Variants in ZNF414 observed in about 807,000 individuals in gnomAD.
The protein encoded by ZNF414 is zinc finger protein 414.
ZNF414 carries 32 observed loss-of-function variants against 38.3 expected under a neutral mutation model. That is an observed-to-expected ratio of 0.83 (90% CI 0.63 to 1.12). The LOEUF (loss-of-function observed/expected upper bound fraction) is 1.12, where lower values mean the gene tolerates loss of function less well. Ranked by LOEUF, ZNF414 falls within the 50% of genes most tolerant of loss-of-function variation. ZNF414 has a pLI of 0.00. For synonymous variants in ZNF414, 256 were observed against 248.0 expected (o/e 1.03, Z -0.30); for missense variants, 589 against 557.4 (o/e 1.06, Z -0.57).
At chr19:8,512,766 TGACCCCA>T (rs1971936459) in intron 2 of ZNF414, 55 bp from the exon 3 acceptor site, 1 of 1,427,942 alleles carries the variant, frequency 7.0e-7, no homozygotes, top group East Asian at 2.5e-5. Flanking sequence ...GTGCTGTCCC[TGACCCCA>T]GGGTTCTGCC....
Position 8,511,610 on chromosome 19 carries a change from C to A in ZNF414, c.874+7G>T. The A allele has an allele frequency of 6.6e-7, 1 of 1,516,310 alleles. No homozygotes were observed. Among genetic ancestry groups the A allele is most frequent in the South Asian group, 1.3e-5 (1 of 77,468 alleles). 93.9% of individuals were successfully genotyped at this position (1,516,310 alleles called of 1,614,324 possible). ...GCCCTCCTGGAGGCCCCCGACCCCA[C>A]ACTCACCTTGGCTCTTTTTCCAGAC... On this transcript the variant is annotated splice_region_variant and intron_variant, in intron 5 of 7. Coordinates refer to ENST00000393927, the MANE Select transcript of ZNF414 (RefSeq NM_001146175.2).
intron 4 of ZNF414, 130 bp from the exon 5 acceptor site, chr19:8,512,090 C>T (rs754215935): frequency 1.4e-6 from 2 of 1,415,246 alleles, no homozygotes; most frequent in South Asian, 3.2e-5. Flanking sequence ...CGCTCCTGTA[C>T]AACTGTGGCA....
Position 8,512,635 on chromosome 19 carries a change from T to C in ZNF414, c.393A>G (p.Arg131=), listed in dbSNP as rs753726432. 17 of 1,593,408 alleles carry C rather than the reference T, an allele frequency of 1.1e-5. 1 individual carries two copies. In the South Asian group the frequency reaches 1.8e-4, roughly 17 times the overall value. ...GGGACTGTGTGGGCGGGCAGTGGGT[T>C]CGCAGATGCTGTGCCAGGTCACGGA... ...PSVRDLAQHL[R]THCPPTQSLE... Residue 131 remains arginine (R), a synonymous_variant, in exon 3 of 8, where the codon CGA becomes CGG. Coordinates refer to ENST00000393927, the MANE Select transcript of ZNF414 (RefSeq NM_001146175.2).
At position 8,510,665 on chromosome 19, in the gene ZNF414, A is replaced by G; in HGVS notation, c.*26T>C. Reference sequence around the variant, plus strand: ...CAAATGACAAAACTACCCACATCCCATGGCCCACCCCCAAAGCGGCGGGAT... The same window carrying G: ...CAAATGACAAAACTACCCACATCCCGTGGCCCACCCCCAAAGCGGCGGGAT... On this transcript the variant is annotated 3_prime_UTR_variant, in exon 8 of 8. Transcript: ENST00000393927. 6.7e-7 allele frequency: 1 copy of G among 1,494,346 alleles called. No homozygotes were observed. The highest frequency in any genetic ancestry group is 9.0e-7 in the Non-Finnish European group (1 of 1,111,658). The allele number at this position is 1,494,346 out of a possible 1,614,324, so 92.6% of individuals were successfully genotyped here.
chr19:8,511,284 G>GC, intron 6 of ZNF414: 3 of 1,411,450 alleles, frequency 2.1e-6, no homozygotes, highest in Non-Finnish European at 2.8e-6. Flanking sequence ...TGAAAGGGGC[G>GC]CAAGGTTTAT....
intron 1 of ZNF414, among the ~76,000 whole-genome samples, 200 bp from the exon 2 acceptor site, chr19:8,513,541 C>G (rs1029358098): frequency 3.3e-5 from 5 of 152,176 alleles, no homozygotes; most frequent in Non-Finnish European, 7.4e-5. Context: ...GATCCTCCTG[C>G]CTCAGCCTCC....
chr19:8,510,818 C>T (rs1371024244), intron 7 of ZNF414, 33 bp downstream of exon 7: 2 of 1,480,586 alleles, frequency 1.4e-6, no homozygotes, highest in Non-Finnish European at 1.8e-6. Flanking sequence ...GGGCCCCCGC[C>T]CCCCTCTCCA....
At position 8,510,756 on chromosome 19, in the gene ZNF414, G is replaced by C; in HGVS notation, c.1108C>G (p.Pro370Ala). 1 of 1,549,378 alleles carries C rather than the reference G, an allele frequency of 6.5e-7. No homozygotes were observed. Among genetic ancestry groups the C allele is most frequent in the Non-Finnish European group, 8.7e-7 (1 of 1,145,826 alleles). ...AGCGGCGACACCTTGGGTGCAAGCG[G>C]GGCCGGATCTGGGTGGGGCAGAGGA... The part of the protein sequence containing the change: ...PRPDAPADPA[P>A]LAPKVSPLLS... The change falls in exon 8 of 8, where the codon CCG (proline) becomes GCG (alanine). Residue 370 changes from proline (P) to alanine (A), a missense_variant. Transcript: ENST00000393927.
intron 4 of ZNF414, 129 bp downstream of exon 4, chr19:8,512,258 G>A (rs906169101): frequency 5.7e-5 from 84 of 1,465,588 alleles, no homozygotes; most frequent in Non-Finnish European, 7.5e-5. Context: ...TTGAGGGCGG[G>A]GCTTCCCCAA....
At chr19:8,512,850 C>T (rs1042514615) in intron 2 of ZNF414, 139 bp from the exon 3 acceptor site, 5 of 1,170,192 alleles carry the variant, frequency 4.3e-6, no homozygotes. Context: ...TGGTCTGCCA[C>T]AGTGCAGGGG....
At position 8,513,137 on chromosome 19, in the gene ZNF414, G is replaced by A; in HGVS notation, c.208C>T (p.Pro70Ser). The A allele has an allele frequency of 6.5e-7, 1 of 1,543,242 alleles. No homozygotes were observed. The highest frequency in any genetic ancestry group is 8.7e-7 in the Non-Finnish European group (1 of 1,147,512). ...CCAGGCTGGCAGCTGTCTGGGGCTG[G>A]GGAGGAGCCCTGCTGCATCCCTCCA... ...GAGGMQQGSS[P>S]APDSCQPGPG... Residue 70 changes from proline to serine, a missense_variant, in exon 2 of 8, where the codon CCA (proline) becomes TCA (serine). Pro to Ser is a moderately conservative substitution (Grantham distance 74, BLOSUM62 -1). Coordinates refer to ENST00000393927, the MANE Select transcript of ZNF414 (RefSeq NM_001146175.2).
chr19:8,513,645 T>C (rs1971950207), intron 1 of ZNF414, among the ~76,000 whole-genome samples: 1 of 151,912 alleles, frequency 6.6e-6, no homozygotes, highest in South Asian at 2.1e-4. Context: ...TCAACTAGGA[T>C]AGGTGGGAGC....
rs576116806 is a variant in ZNF414 at position 8,510,886 on chromosome 19, G to A, written c.1064C>T (p.Pro355Leu). Residue 355 changes from proline (P) to leucine (L), a missense_variant, in exon 7 of 8, where the codon CCC becomes CTC. Coordinates refer to ENST00000393927, the MANE Select transcript of ZNF414 (RefSeq NM_001146175.2). ...EDHRPGAPAA[P>L]AAGPPRPDAP... ...GTCGGGGCGCGGCGGCCCGGCCGCG[G>A]GGGCCGCGGGGGCGCCGGGGCGGTG... 1.3e-3 allele frequency: 1,429 copies of A among 1,124,106 alleles called. 8 individuals carry two copies. The highest frequency in any genetic ancestry group is 2.6e-3 in the Middle Eastern group (7 of 2,688). The allele number at this position is 1,124,106 out of a possible 1,614,324, so 69.6% of individuals were successfully genotyped here. A position where few individuals can be genotyped will look rare whatever the true frequency, so the allele number is the denominator to read the frequency against.
rs1043483084 is a variant in ZNF414, at chr19:8,514,110, C to T, written c.-64G>A. ...CGGCTGCAGCTTAGGCGGCGGCCACCCTCTGGGCAGTGCGAGTTCGCGCTC... is the reference window on the plus strand; with the variant it reads ...CGGCTGCAGCTTAGGCGGCGGCCACTCTCTGGGCAGTGCGAGTTCGCGCTC... On this transcript the variant is annotated 5_prime_UTR_variant, in exon 1 of 8. Coordinates refer to ENST00000393927, the MANE Select transcript of ZNF414 (RefSeq NM_001146175.2). 3 of 1,428,386 alleles carry T rather than the reference C, an allele frequency of 2.1e-6. No individual in the cohort carries two copies. Among genetic ancestry groups the T allele is most frequent in the Non-Finnish European group, 2.7e-6 (3 of 1,093,172 alleles). 88.5% of individuals were successfully genotyped at this position (1,428,386 alleles called of 1,614,324 possible). A position where few individuals can be genotyped will look rare whatever the true frequency, so the allele number is the denominator to read the frequency against.
rs368837122 is a variant in ZNF414 at position 8,513,258 on chromosome 19, G to C, written c.87C>G (p.Ser29=). 43 of 1,594,524 alleles carry C rather than the reference G, an allele frequency of 2.7e-5. No individual in the cohort carries two copies. Among genetic ancestry groups the C allele is most frequent in the Non-Finnish European group, 3.5e-5 (41 of 1,177,560 alleles). The part of the protein sequence containing the change: ...SSSETDKEVL[S]PAVPAAAPSS... ...AAGGGGCTGCAGCTGGCACAGCCGG[G>C]GACAACACCTCCTTGTCGGTCTCAC... Residue 29 remains serine (S), a synonymous_variant, in exon 2 of 8, where the codon TCC becomes TCG. Coordinates refer to ENST00000393927, the MANE Select transcript of ZNF414 (RefSeq NM_001146175.2).
In ZNF414 at chr19:8,510,630, C is replaced by T; in HGVS notation, c.*61G>A. ...TGTCCACCCCAGCCCCCCTTCCCTGCAGCCCCCTCCAAATGACAAAACTAC... is the reference window on the plus strand; with the variant it reads ...TGTCCACCCCAGCCCCCCTTCCCTGTAGCCCCCTCCAAATGACAAAACTAC... On this transcript the variant is annotated 3_prime_UTR_variant, in exon 8 of 8. Coordinates refer to ENST00000393927, the MANE Select transcript of ZNF414 (RefSeq NM_001146175.2). The T allele has an allele frequency of 1.4e-6, 2 of 1,441,148 alleles. No individual in the cohort carries two copies. Among genetic ancestry groups the T allele is most frequent in the East Asian group, 2.6e-5 (1 of 37,862 alleles). The allele number at this position is 1,441,148 out of a possible 1,614,324, so 89.3% of individuals were successfully genotyped here.
Position 8,513,183 on chromosome 19 carries a change from TGGCG to T in ZNF414, c.158_161del (p.Pro53GlnfsTer32). 1 of 1,561,320 alleles carries T rather than the reference TGGCG, an allele frequency of 6.4e-7. No homozygotes were observed. Among genetic ancestry groups the T allele is most frequent in the Non-Finnish European group, 8.6e-7 (1 of 1,159,172 alleles). On this transcript the variant is annotated frameshift_variant, in exon 2 of 8. Transcript: ENST00000393927. LOFTEE classifies it high-confidence loss of function. ...CTCCAGCCCCTCCACGTTCCCACAC[TGGCG>T]GTGTGGCTGCCTGCTCAGGGCCTGG...
In ZNF414 at chr19:8,512,479, G is replaced by A. The variant is rs773668038; in HGVS notation, c.438C>T (p.Arg146=). The part of the protein sequence containing the change: ...PTQSLEGKLF[R]CSALSCTETF... ...TCTCGGTGCAGCTCAGGGCTGAGCA[G>A]CGGAAGAGCTTGCCTGGTAGGGATG... is the stretch of plus-strand genomic sequence containing the variant. The change falls in exon 4 of 8, where the codon CGC becomes CGT. Residue 146 remains arginine (R), a synonymous_variant. Transcript: ENST00000393927. 3 of 1,613,928 alleles carry A rather than the reference G, an allele frequency of 1.9e-6. No homozygotes were observed. The highest frequency in any genetic ancestry group is 3.3e-5 in the Admixed American group (2 of 60,004).
Position 8,513,133 on chromosome 19 carries a change from G to T in ZNF414, c.212C>A (p.Ala71Asp). 2 of 1,542,578 alleles carry T rather than the reference G, an allele frequency of 1.3e-6. No individual in the cohort carries two copies. ...GGGGCCAGGCTGGCAGCTGTCTGGGGCTGGGGAGGAGCCCTGCTGCATCCC... is the reference window on the plus strand; with the variant it reads ...GGGGCCAGGCTGGCAGCTGTCTGGGTCTGGGGAGGAGCCCTGCTGCATCCC... ...AGGMQQGSSP[A>D]PDSCQPGPGP... Residue 71 changes from alanine to aspartate, a missense_variant, in exon 2 of 8, where the codon GCC (alanine) becomes GAC (aspartate). By Grantham distance (126) the Ala-to-Asp change is moderately radical. Transcript: ENST00000393927.
Sources: gnomAD v4.1 joint callset for allele counts (sites outside exome capture counted in the v4.1 genomes callset) on GRCh38, gnomAD v4.1.1 for gene constraint, MANE v1.5 for transcripts, NCBI Gene and HGNC (gene_info 2026-07-23, HGNC 2026-07-21) for gene names.